PARD3: variants seen among roughly 807,000 people sequenced by gnomAD.
PARD3 encodes the protein par-3 family cell polarity regulator.
Under a neutral mutation model 155.4 loss-of-function variants are expected in PARD3, and 75 were observed. That is an observed-to-expected ratio of 0.48 (90% confidence interval 0.40 to 0.58). The LOEUF is 0.58. Among genes scored for constraint, PARD3 ranks in the 20% least tolerant of loss-of-function variants. The pLI is 0.00. For synonymous variants in PARD3, 576 were observed against 610.5 expected (o/e 0.94, Z 0.83); for missense variants, 1,642 against 1,721.7 (o/e 0.95, Z 0.82).
chr10:34,764,293 T>A (rs1010853631), intron 1 of PARD3, among the ~76,000 whole-genome samples: 2 of 152,212 alleles, frequency 1.3e-5, no homozygotes, highest in Non-Finnish European at 2.9e-5. Flanking sequence ...TCATTAAATA[T>A]AAGATCTCCT....
chr10:34,684,063 G>C (rs922673796), intron 2 of PARD3, among the ~76,000 whole-genome samples: 30 of 152,268 alleles, frequency 2.0e-4, no homozygotes, highest in African/African-American at 7.2e-4. Flanking sequence ...TTCATTTCCA[G>C]GTTATCAAAA....
chr10:34,353,242 C>T (rs1311038646), intron 14 of PARD3, among the ~76,000 whole-genome samples: 2 of 152,160 alleles, frequency 1.3e-5, no homozygotes, highest in Non-Finnish European at 2.9e-5. Context: ...TGAGAACGGG[C>T]CATGATGACG....
chr10:34,619,250 G>A (rs1306744761), intron 2 of PARD3, among the ~76,000 whole-genome samples: 1 of 151,874 alleles, frequency 6.6e-6, no homozygotes, highest in East Asian at 1.9e-4. Context: ...GGGGTTTCAC[G>A]TGTTGGCCAG....
In PARD3 at chr10:34,772,373, G is replaced by A. The variant is rs559291579; in HGVS notation, c.120+42503C>T. ...AAAAATAAAAGGACTTGCATTCCTCGAATAAAAGTTATTTTCTCATTATCA... is the reference window on the plus strand; with the variant it reads ...AAAAATAAAAGGACTTGCATTCCTCAAATAAAAGTTATTTTCTCATTATCA... On this transcript the variant is annotated intron_variant, in intron 1 of 24. Coordinates refer to ENST00000374788, the MANE Select transcript of PARD3 (RefSeq NM_001184785.2). Among the ~76,000 whole-genome samples the A allele has an allele frequency of 1.3e-3, 199 of 152,068 alleles. 1 individual carries two copies. The highest frequency in any genetic ancestry group is 1.5e-3 in the Admixed American group (23 of 15,260).
intron 1 of PARD3, among the ~76,000 whole-genome samples, chr10:34,745,266 G>A (rs140361684): frequency 1.1e-3 from 173 of 152,234 alleles, no homozygotes; most frequent in African/African-American, 4.0e-3. Context: ...GGAGGCTGAG[G>A]TAGGAGAATC....
intron 3 of PARD3, among the ~76,000 whole-genome samples, chr10:34,512,741 G>C (rs978810028): frequency 6.6e-6 from 1 of 152,002 alleles, no homozygotes; most frequent in Admixed American, 6.6e-5. Context: ...TCTAAACTGA[G>C]GACTATCCAT....
intron 2 of PARD3, among the ~76,000 whole-genome samples, chr10:34,587,565 G>A (rs889154891): frequency 6.6e-6 from 1 of 152,142 alleles, no homozygotes; most frequent in African/African-American, 2.4e-5. Context: ...GAATTCATGT[G>A]TCATACCCTA....
intron 2 of PARD3, among the ~76,000 whole-genome samples, chr10:34,582,508 G>T (rs137983856): frequency 1.3e-5 from 2 of 152,106 alleles, no homozygotes; most frequent in African/African-American, 4.8e-5. Context: ...ATCACTTCAG[G>T]TATCGCTTTT....
intron 1 of PARD3, among the ~76,000 whole-genome samples, chr10:34,780,182 G>C (rs1332969379): frequency 6.6e-6 from 1 of 152,118 alleles, no homozygotes. Flanking sequence ...AAATTAATTT[G>C]CTCTTGACAC....
intron 20 of PARD3, among the ~76,000 whole-genome samples, chr10:34,313,836 A>C (rs10763979): frequency 6.6e-6 from 1 of 151,896 alleles, no homozygotes; most frequent in Non-Finnish European, 1.5e-5. Context: ...AAAGGAAAAC[A>C]TATTACTTCC....
intron 1 of PARD3, among the ~76,000 whole-genome samples, chr10:34,776,835 T>TGGG (rs35834725): frequency 2.5e-4 from 16 of 64,616 alleles, no homozygotes; most frequent in Non-Finnish European, 3.4e-4. Flanking sequence ...TGTTTTTTTG[T>TGGG]GGGGGGGGGG....
At chr10:34,238,956 C>CT in intron 22 of PARD3, among the ~76,000 whole-genome samples, 1 of 152,034 alleles carries the variant, frequency 6.6e-6, no homozygotes, top group East Asian at 1.9e-4. Flanking sequence ...TTATTTTAAA[C>CT]TTTTTTTTCT....
At position 34,470,184 on chromosome 10, in the gene PARD3, G is replaced by T. The variant is rs1298310095; in HGVS notation, c.483C>A (p.Ser161=). 1.2e-6 allele frequency: 2 copies of T among 1,613,322 alleles called. No homozygotes were observed. Among genetic ancestry groups the T allele is most frequent in the Non-Finnish European group, 1.7e-6 (2 of 1,179,666 alleles). Reference sequence around the variant, plus strand: ...GATTTTTCCTTGAAGGCTCTTCAGAGGAAAAATTACTATCACTGACAGAAG... The same window carrying T: ...GATTTTTCCTTGAAGGCTCTTCAGATGAAAAATTACTATCACTGACAGAAG... ...LSTSVSDSNF[S]SEEPSRKNPT... The change falls in exon 4 of 25, where the codon TCC becomes TCA. Residue 161 remains serine, a synonymous_variant. Transcript: ENST00000374788.
chr10:34,763,915 C>A (rs1302275699), intron 1 of PARD3, among the ~76,000 whole-genome samples: 6 of 152,222 alleles, frequency 3.9e-5, no homozygotes, highest in Admixed American at 2.6e-4. Context: ...TTAATCTCCT[C>A]CCAGCCATAT....
intron 2 of PARD3, among the ~76,000 whole-genome samples, chr10:34,536,855 C>T (rs957532429): frequency 1.3e-5 from 2 of 152,124 alleles, no homozygotes. Context: ...TAATTTAAAA[C>T]ATTAAATTTT....
At chr10:34,410,304 T>A (rs1453048464) in intron 5 of PARD3, among the ~76,000 whole-genome samples, 3 of 152,034 alleles carry the variant, frequency 2.0e-5, no homozygotes, top group Admixed American at 2.0e-4. Context: ...TTTCAGTTTT[T>A]TTTTTAGATC....
At chr10:34,449,266 A>G (rs2076925783) in intron 5 of PARD3, among the ~76,000 whole-genome samples, 1 of 152,080 alleles carries the variant, frequency 6.6e-6, no homozygotes, top group African/African-American at 2.4e-5. Flanking sequence ...ATACATATAT[A>G]AAAACCTCAT....
chr10:34,529,944 A>G (rs1260625152), intron 2 of PARD3, among the ~76,000 whole-genome samples: 19 of 152,140 alleles, frequency 1.2e-4, no homozygotes. Context: ...AGTGTTGACC[A>G]GGCTGGTCTC....
intron 2 of PARD3, among the ~76,000 whole-genome samples, chr10:34,546,547 T>A (rs559982337): frequency 1.8e-4 from 27 of 151,658 alleles, no homozygotes; most frequent in African/African-American, 6.5e-4. Context: ...TTGTTGTTGT[T>A]TTTTTTTGAG....
Sources: gnomAD v4.1 joint callset for allele counts (sites outside exome capture counted in the v4.1 genomes callset) on GRCh38, gnomAD v4.1.1 for gene constraint, MANE v1.5 for transcripts, NCBI Gene and HGNC (gene_info 2026-07-23, HGNC 2026-07-21) for gene names.